Variants in ATP2C2 observed in about 807,000 individuals in gnomAD.
The protein encoded by ATP2C2 is ATPase secretory pathway Ca2+ transporting 2.
ATP2C2 carries 171 observed loss-of-function variants against 110.8 expected under a neutral mutation model. The observed-to-expected ratio is 1.54, with a 90% CI of 1.36 to 1.75. ATP2C2 has a LOEUF of 1.75. Ranked by LOEUF, ATP2C2 falls within the 40% of genes most tolerant of loss-of-function variation. The pLI, the probability that ATP2C2 is intolerant of heterozygous loss-of-function variation, is 0.00. For missense variants in ATP2C2, 1,963 were observed against 1,235.0 expected, an observed-to-expected ratio of 1.59 and a Z score of -8.84; for synonymous variants, 804 against 508.4, an observed-to-expected ratio of 1.58 and a Z score of -7.82.
At position 84,437,376 on chromosome 16, in the gene ATP2C2, G is replaced by A. The variant is rs183118635; in HGVS notation, c.987-1790G>A. On this transcript the variant is annotated intron_variant, in intron 11 of 26. Transcript: ENST00000262429. ...ACCCAGCTAATTTATATATACATAT[G>A]TATATATAATTTTTTTTTTTGTAGA... 5.0e-4 allele frequency among the ~76,000 whole-genome samples: 76 copies of A among 151,570 alleles called. 1 individual carries two copies. In the East Asian group the frequency reaches 6.8e-3, roughly 14 times the overall value.
chr16:84,369,687 A>T (rs565111662), intron 1 of ATP2C2, among the ~76,000 whole-genome samples: 3 of 152,290 alleles, frequency 2.0e-5, no homozygotes, highest in East Asian at 3.9e-4. Flanking sequence ...TTGACTTAAA[A>T]TTTTATTTTT....
intron 3 of ATP2C2, among the ~76,000 whole-genome samples, chr16:84,406,115 C>T (rs1905743772): frequency 6.6e-6 from 1 of 152,228 alleles, no homozygotes; most frequent in African/African-American, 2.4e-5. Context: ...CAGTGCAGAG[C>T]AGTGCAGCCA....
At position 84,454,881 on chromosome 16, in the gene ATP2C2, C is replaced by G. The variant is rs748073655; in HGVS notation, c.2044C>G (p.Leu682Val). 1.9e-6 allele frequency: 3 copies of G among 1,613,990 alleles called. No homozygotes were observed. The highest frequency in any genetic ancestry group is 2.5e-6 in the Non-Finnish European group (3 of 1,179,944). Residue 682 changes from leucine to valine, a missense_variant, in exon 21 of 27, where the codon CTG becomes GTG. By Grantham distance (32) the Leu-to-Val change is conservative. Transcript: ENST00000262429. ...GGATGGGGTGAACGACGCAGTGGCC[C>G]TGAAGTCTGCAGACATTGGGATCGC... Reference protein sequence around the residue: ...TGDGVNDAVALKSADIGIAMG... With the variant: ...TGDGVNDAVAVKSADIGIAMG...
At chr16:84,447,907 T>TA (rs1567733896) in intron 16 of ATP2C2, among the ~76,000 whole-genome samples, 1 of 10,210 alleles carries the variant, frequency 9.8e-5, no homozygotes, top group African/African-American at 1.5e-4. Flanking sequence ...TAATTAATAT[T>TA]ATATTATCTT....
At chr16:84,401,827 C>T (rs148719251) in intron 2 of ATP2C2, among the ~76,000 whole-genome samples, 21 of 152,180 alleles carry the variant, frequency 1.4e-4, no homozygotes, top group African/African-American at 4.8e-4. Flanking sequence ...TTTTGTGGTT[C>T]CATATAAATT....
At chr16:84,384,559 C>T (rs1531552) in intron 1 of ATP2C2, among the ~76,000 whole-genome samples, 151,285 of 152,310 alleles carry the variant, frequency 0.99, 75,133 homozygotes, top group Middle Eastern at 1. Context: ...AAAGCTATTA[C>T]TTTCTCCCTT....
chr16:84,433,587 G>T (rs1386137088), intron 11 of ATP2C2, among the ~76,000 whole-genome samples: 1 of 151,954 alleles, frequency 6.6e-6, no homozygotes, highest in Non-Finnish European at 1.5e-5. Flanking sequence ...GGGAGGTGGA[G>T]GTTGTGGCGA....
chr16:84,422,086 C>G (rs1184850902), intron 7 of ATP2C2, among the ~76,000 whole-genome samples: 2 of 152,144 alleles, frequency 1.3e-5, no homozygotes, highest in Admixed American at 1.3e-4. Flanking sequence ...TGTGGGGACT[C>G]ACACAGGTGT....
intron 20 of ATP2C2, 123 bp downstream of exon 20, chr16:84,453,494 G>A (rs1910508759): frequency 7.6e-7 from 1 of 1,320,274 alleles, no homozygotes. Context: ...CCTTCTCTAG[G>A]TCCAGGGCAG....
intron 1 of ATP2C2, among the ~76,000 whole-genome samples, chr16:84,374,657 G>A (rs1910149749): frequency 6.6e-6 from 1 of 152,092 alleles, no homozygotes; most frequent in Admixed American, 6.5e-5. Flanking sequence ...TATTAGGGGT[G>A]GGACTGGGAG....
intron 1 of ATP2C2, among the ~76,000 whole-genome samples, chr16:84,382,770 C>G (rs1418761534): frequency 6.6e-6 from 1 of 152,112 alleles, no homozygotes; most frequent in Non-Finnish European, 1.5e-5. Context: ...GTGGCGGGTG[C>G]CTGTAATCCC....
chr16:84,459,145 A>G lies in ATP2C2; in HGVS notation c.2173A>G (p.Ile725Val), dbSNP rs765928755. The change falls in exon 22 of 27, where the codon ATT (isoleucine) becomes GTT (valine). Residue 725 changes from isoleucine (I) to valine (V), a missense_variant. By Grantham distance (29) the Ile-to-Val change is conservative (BLOSUM62 3). Coordinates refer to ENST00000262429, the MANE Select transcript of ATP2C2 (RefSeq NM_014861.4). ...GAATGCAGTGGAGGAAGGCAAGGGT[A>G]TTTTTTACAACATCAAAAACTTTGT... ...IMNAVEEGKG[I>V]FYNIKNFVRF... is the part of the protein sequence containing the mutation. The G allele has an allele frequency of 9.3e-6, 15 of 1,614,028 alleles. No homozygotes were observed. The highest frequency in any genetic ancestry group is 1.3e-5 in the Non-Finnish European group (15 of 1,180,040).
intron 7 of ATP2C2, among the ~76,000 whole-genome samples, chr16:84,416,417 G>A (rs1034202284): frequency 6.6e-6 from 1 of 152,234 alleles, no homozygotes; most frequent in Non-Finnish European, 1.5e-5. Context: ...TTATCTGCCT[G>A]ATTTATTTAC....
intron 17 of ATP2C2, among the ~76,000 whole-genome samples, chr16:84,451,245 C>A (rs1352812033): frequency 6.6e-6 from 1 of 152,146 alleles, no homozygotes; most frequent in African/African-American, 2.4e-5. Context: ...TACCACAGAG[C>A]ATTGTGGGGA....
intron 23 of ATP2C2, chr16:84,460,165 C>T (rs938148948): frequency 5.0e-5 from 10 of 201,176 alleles, no homozygotes; most frequent in Admixed American, 1.1e-4. Flanking sequence ...GAAGTGGGAC[C>T]AGGAAGCTGG....
chr16:84,421,670 TG>T (rs1907352212), intron 7 of ATP2C2, among the ~76,000 whole-genome samples: 1 of 152,188 alleles, frequency 6.6e-6, no homozygotes, highest in Non-Finnish European at 1.5e-5. Context: ...TTTTGCAAGA[TG>T]GTTAAGAGTA....
At chr16:84,411,205 T>A (rs764398141) in intron 6 of ATP2C2, among the ~76,000 whole-genome samples, 1 of 152,140 alleles carries the variant, frequency 6.6e-6, no homozygotes, top group Non-Finnish European at 1.5e-5. Context: ...GCATAGGGTA[T>A]AGGAAGAGTG....
chr16:84,455,073 G>C lies in ATP2C2; in HGVS notation c.2147+89G>C, dbSNP rs772054285. 62 of 1,521,226 alleles carry C rather than the reference G, an allele frequency of 4.1e-5. 3 individuals are homozygous for C. The highest frequency in any genetic ancestry group is 3.6e-4 in the Middle Eastern group (2 of 5,574). The allele number at this position is 1,521,226 out of a possible 1,614,324, so 94.2% of individuals were successfully genotyped here. A position where few individuals can be genotyped will look rare whatever the true frequency, so the allele number is the denominator to read the frequency against. ...GAACCTGCTACTGTGGAGATAGAGGGGGGGGTCTCGCGGAGTCCCCAGGGA... is the reference window on the plus strand; with the variant it reads ...GAACCTGCTACTGTGGAGATAGAGGCGGGGGTCTCGCGGAGTCCCCAGGGA... On this transcript the variant is annotated intron_variant, in intron 21 of 26. Coordinates refer to ENST00000262429, the MANE Select transcript of ATP2C2 (RefSeq NM_014861.4).
chr16:84,394,691 G>A (rs1257346705), intron 1 of ATP2C2, among the ~76,000 whole-genome samples: 1 of 152,114 alleles, frequency 6.6e-6, no homozygotes, highest in Non-Finnish European at 1.5e-5. Flanking sequence ...CTTCCATCAT[G>A]GCCAGCAATC....
Sources: allele counts gnomAD v4.1 joint callset (sites outside exome capture counted in the v4.1 genomes callset), GRCh38; gene constraint gnomAD v4.1.1; transcripts MANE v1.5; gene names NCBI Gene and HGNC (gene_info 2026-07-23, HGNC 2026-07-21).